Variants in DAAM1 observed in about 807,000 individuals in gnomAD.
The protein encoded by DAAM1 is dishevelled associated activator of morphogenesis 1, also known as disheveled-associated activator of morphogenesis 1.
DAAM1 carries 52 observed loss-of-function variants against 130.0 expected under a neutral mutation model. That is an observed-to-expected ratio of 0.40 (90% CI 0.32 to 0.50). The LOEUF is 0.50. Ranked by LOEUF, DAAM1 falls within the 20% of genes least tolerant of loss-of-function variation. The pLI is 0.61. For missense variants in DAAM1, 1,134 were observed against 1,303.8 expected (o/e 0.87, Z 2.01); for synonymous variants, 452 against 444.5 (o/e 1.02, Z -0.21).
intron 1 of DAAM1, among the ~76,000 whole-genome samples, chr14:59,218,384 G>A (rs1305912925): frequency 6.6e-6 from 1 of 152,180 alleles, no homozygotes; most frequent in African/African-American, 2.4e-5. Flanking sequence ...GAAAATTGCT[G>A]TTGCCTGTTC....
intron 16 of DAAM1, 87 bp downstream of exon 16, chr14:59,340,267 A>G: frequency 7.8e-7 from 1 of 1,280,832 alleles, no homozygotes. Flanking sequence ...TTTTGTTTTA[A>G]TTGTACTCTG....
intron 3 of DAAM1, 81 bp downstream of exon 3, chr14:59,291,387 GACAGC>G: frequency 8.8e-7 from 1 of 1,136,984 alleles, no homozygotes; most frequent in South Asian, 1.5e-5. Flanking sequence ...ACTAGAATTG[GACAGC>G]TCTTTGTAAT....
intron 3 of DAAM1, among the ~76,000 whole-genome samples, chr14:59,301,175 A>G (rs139381746): frequency 7.9e-5 from 12 of 152,258 alleles, no homozygotes; most frequent in Admixed American, 3.9e-4. Flanking sequence ...AAAGTTTTTC[A>G]GTTTTTTCCC....
chr14:59,208,594 C>T (rs889401172), intron 1 of DAAM1, among the ~76,000 whole-genome samples: 1 of 152,196 alleles, frequency 6.6e-6, no homozygotes, highest in Non-Finnish European at 1.5e-5. Context: ...TGCCTTTTGA[C>T]ATCAGAGGGC....
chr14:59,250,815 C>T (rs535903011), intron 1 of DAAM1, among the ~76,000 whole-genome samples: 4 of 152,332 alleles, frequency 2.6e-5, no homozygotes, highest in Admixed American at 6.5e-5. Flanking sequence ...TAGGTACATA[C>T]ATATTGCTAC....
At chr14:59,200,663 T>C (rs1294645122) in intron 1 of DAAM1, among the ~76,000 whole-genome samples, 2 of 152,232 alleles carry the variant, frequency 1.3e-5, no homozygotes, top group Admixed American at 1.3e-4. Flanking sequence ...GCATATATTT[T>C]CATATAAAAT....
At chr14:59,348,306 A>G (rs990309431) in intron 17 of DAAM1, among the ~76,000 whole-genome samples, 2 of 152,208 alleles carry the variant, frequency 1.3e-5, no homozygotes, top group Non-Finnish European at 2.9e-5. Flanking sequence ...GTATTTCTAT[A>G]GCATTTCTTT....
chr14:59,359,308 T>A (rs1886612018), intron 20 of DAAM1, 89 bp from the exon 21 acceptor site: 1 of 987,884 alleles, frequency 1.0e-6, no homozygotes, highest in Non-Finnish European at 1.5e-6. Flanking sequence ...AGCATATAAA[T>A]CATATGCAGA....
intron 1 of DAAM1, among the ~76,000 whole-genome samples, chr14:59,253,043 C>G (rs1881717295): frequency 6.6e-6 from 1 of 152,160 alleles, no homozygotes; most frequent in Admixed American, 6.5e-5. Context: ...TGTACAGCCC[C>G]CTGGGTTTCT....
chr14:59,247,231 C>T (rs1324423252), intron 1 of DAAM1, among the ~76,000 whole-genome samples: 1 of 152,154 alleles, frequency 6.6e-6, no homozygotes, highest in African/African-American at 2.4e-5. Context: ...GCTCTCTGTT[C>T]TATTCCATTG....
intron 2 of DAAM1, among the ~76,000 whole-genome samples, chr14:59,286,270 G>A (rs1213738371): frequency 5.9e-5 from 9 of 151,948 alleles, no homozygotes; most frequent in Admixed American, 5.9e-4. Flanking sequence ...GAATTTTTGG[G>A]ACATAGCTAA....
At chr14:59,309,763 G>A (rs532208074) in intron 3 of DAAM1, among the ~76,000 whole-genome samples, 1 of 152,250 alleles carries the variant, frequency 6.6e-6, no homozygotes, top group Admixed American at 6.5e-5. Flanking sequence ...AGCCATCTTC[G>A]AGAAGATGCT....
chr14:59,305,150 T>A (rs1159133229), intron 3 of DAAM1, among the ~76,000 whole-genome samples: 3 of 152,172 alleles, frequency 2.0e-5, no homozygotes, highest in Non-Finnish European at 2.9e-5. Context: ...ATATGTTAAT[T>A]TACAAACCAA....
chr14:59,346,035 G>A (rs1886065802), intron 16 of DAAM1, among the ~76,000 whole-genome samples: 1 of 150,970 alleles, frequency 6.6e-6, no homozygotes. Flanking sequence ...CGTACATATA[G>A]TTTACTGTGT....
intron 2 of DAAM1, among the ~76,000 whole-genome samples, chr14:59,280,535 C>CTTTTTTTTT (rs35354608): frequency 0.02 from 1,841 of 90,562 alleles, 2 homozygotes; most frequent in Middle Eastern, 0.042. Flanking sequence ...GCACACCTTC[C>CTTTTTTTTT]TTTTTTTTTT....
At chr14:59,317,187 T>C (rs754516627) in intron 4 of DAAM1, among the ~76,000 whole-genome samples, 1 of 152,248 alleles carries the variant, frequency 6.6e-6, no homozygotes, top group Non-Finnish European at 1.5e-5. Context: ...GCTATACTTT[T>C]TGTGTCAAAC....
chr14:59,260,189 G>A (rs747792851), intron 1 of DAAM1, among the ~76,000 whole-genome samples: 23 of 152,248 alleles, frequency 1.5e-4, no homozygotes, highest in Non-Finnish European at 2.9e-4. Context: ...AACCTAACTT[G>A]GATATTTTTG....
At chr14:59,248,545 C>T (rs558756599) in intron 1 of DAAM1, among the ~76,000 whole-genome samples, 3 of 152,190 alleles carry the variant, frequency 2.0e-5, no homozygotes, top group South Asian at 2.1e-4. Context: ...TTCTTGCCGC[C>T]GCTGGTAATT....
At chr14:59,338,494 G>GT (rs755800129) in intron 15 of DAAM1, 221 of 1,529,908 alleles carry the variant, frequency 1.4e-4, no homozygotes, top group Non-Finnish European at 1.9e-4. Flanking sequence ...GTTATCCAGG[G>GT]TTTTGTTTTT....
Sources: allele counts gnomAD v4.1 joint callset (sites outside exome capture counted in the v4.1 genomes callset), GRCh38; gene constraint gnomAD v4.1.1; transcripts MANE v1.5; gene names NCBI Gene and HGNC (gene_info 2026-07-23, HGNC 2026-07-21).